Variants in TSHZ2 observed in about 807,000 individuals in gnomAD.
The protein encoded by TSHZ2 is teashirt homolog 2.
In TSHZ2, 21 loss-of-function variants were observed where a neutral mutation model predicts 74.4. That is an observed-to-expected ratio of 0.28 (90% CI 0.20 to 0.41). The LOEUF (loss-of-function observed/expected upper bound fraction) is 0.41, where lower values mean the gene tolerates loss of function less well. TSHZ2 is among the 10% of genes least tolerant of loss of function. The pLI, the probability that TSHZ2 is intolerant of heterozygous loss-of-function variation, is 1.00. For missense variants in TSHZ2, 1,244 were observed against 1,293.5 expected (o/e 0.96, Z 0.59); for synonymous variants, 540 against 515.3 (o/e 1.05, Z -0.65).
Position 53,084,514 on chromosome 20 carries a change from C to T in TSHZ2, c.40+111181C>T, listed in dbSNP as rs550976869. 2.6e-5 allele frequency among the ~76,000 whole-genome samples: 4 copies of T among 152,250 alleles called. No homozygotes were observed. The South Asian group carries it at 8.3e-4, about 32-fold the overall frequency. The stretch of plus-strand genomic sequence containing the variant: ...TTCTATCAGTTTGGTTAGTGAGGAG[C>T]ATTCTGATTATAGGTGGGAATTTTT... On this transcript the variant is annotated intron_variant, in intron 1 of 2. Transcript: ENST00000371497.
chr20:53,221,904 A>G (rs962420596), intron 1 of TSHZ2, among the ~76,000 whole-genome samples: 5 of 152,174 alleles, frequency 3.3e-5, no homozygotes, highest in African/African-American at 1.2e-4. Context: ...AGTTCATTCA[A>G]ATTACTCACA....
intron 1 of TSHZ2, among the ~76,000 whole-genome samples, chr20:53,212,916 G>A (rs891738558): frequency 5.3e-5 from 8 of 152,152 alleles, no homozygotes; most frequent in Non-Finnish European, 7.3e-5. Context: ...TGGGGCTTGC[G>A]TGGCATGCTC....
At position 53,073,034 on chromosome 20, in the gene TSHZ2, C is replaced by T. The variant is rs574055903; in HGVS notation, c.40+99701C>T. ...CCATCCCTCCCTCCATCCATCCCTT[C>T]CTCCATCCATTCCTCCTTAATCCAT... On this transcript the variant is annotated intron_variant, in intron 1 of 2. Transcript: ENST00000371497. 5.4e-5 allele frequency among the ~76,000 whole-genome samples: 8 copies of T among 148,390 alleles called. No homozygotes were observed. In the South Asian group the frequency reaches 8.8e-4, roughly 16 times the overall value.
chr20:53,482,864 C>CCA (rs1205536757), intron 2 of TSHZ2, among the ~76,000 whole-genome samples: 1 of 151,914 alleles, frequency 6.6e-6, no homozygotes, highest in Non-Finnish European at 1.5e-5. Flanking sequence ...CAAGATCAAG[C>CCA]CACTATACTC....
intron 2 of TSHZ2, among the ~76,000 whole-genome samples, chr20:53,349,182 G>A (rs766522912): frequency 5.3e-5 from 8 of 152,196 alleles, no homozygotes; most frequent in Non-Finnish European, 1.2e-4. Flanking sequence ...GGGAAAGTGT[G>A]CCTCAGTTTC....
intron 1 of TSHZ2, among the ~76,000 whole-genome samples, chr20:53,096,349 G>T (rs185205375): frequency 6.6e-6 from 1 of 152,030 alleles, no homozygotes; most frequent in Admixed American, 6.5e-5. Flanking sequence ...CACCATGTCG[G>T]CCAAGCTGGT....
At chr20:53,031,289 T>G (rs1983627573) in intron 1 of TSHZ2, among the ~76,000 whole-genome samples, 1 of 152,212 alleles carries the variant, frequency 6.6e-6, no homozygotes, top group Non-Finnish European at 1.5e-5. Flanking sequence ...TCCTCTCTGA[T>G]GTAAATCAAA....
Position 53,055,998 on chromosome 20 carries a change from T to G in TSHZ2, c.40+82665T>G, listed in dbSNP as rs544322671. The stretch of plus-strand genomic sequence containing the variant: ...GTTTGCCAACCTAAGACTTTTCCAT[T>G]GCTATTTTATTTTCTTCACAGTAAT... On this transcript the variant is annotated intron_variant, in intron 1 of 2. Transcript: ENST00000371497. Among the ~76,000 whole-genome samples, 42 of 152,346 alleles carry G rather than the reference T, an allele frequency of 2.8e-4. No homozygotes were observed. The South Asian group carries it at 8.7e-3, about 32-fold the overall frequency.
intron 1 of TSHZ2, among the ~76,000 whole-genome samples, chr20:53,072,087 G>A (rs111253911): frequency 2.0e-5 from 3 of 152,190 alleles, no homozygotes; most frequent in African/African-American, 4.8e-5. Context: ...AATGTCAGTC[G>A]CGCGGAGGCT....
chr20:53,333,547 C>G (rs1979816848), intron 2 of TSHZ2, among the ~76,000 whole-genome samples: 1 of 152,108 alleles, frequency 6.6e-6, no homozygotes, highest in Admixed American at 6.5e-5. Context: ...GCTCCGCCTC[C>G]CGGGTTCACG....
intron 2 of TSHZ2, among the ~76,000 whole-genome samples, chr20:53,325,742 G>A (rs538961602): frequency 6.6e-6 from 1 of 152,060 alleles, no homozygotes; most frequent in East Asian, 1.9e-4. Flanking sequence ...AGGAAGTAAA[G>A]CAAATTAAGG....
At chr20:53,280,982 C>T (rs898533160) in intron 2 of TSHZ2, among the ~76,000 whole-genome samples, 18 of 152,292 alleles carry the variant, frequency 1.2e-4, no homozygotes, top group Admixed American at 1.1e-3. Context: ...TGAGCCACCA[C>T]GCCCGGCCAG....
intron 2 of TSHZ2, among the ~76,000 whole-genome samples, chr20:53,345,995 C>CAAACCATTAA (rs1369253877): frequency 6.6e-6 from 1 of 152,130 alleles, no homozygotes; most frequent in Non-Finnish European, 1.5e-5. Context: ...ATGAGAAGAG[C>CAAACCATTAA]CAGCAAACAG....
intron 2 of TSHZ2, among the ~76,000 whole-genome samples, chr20:53,403,591 C>T (rs978073976): frequency 2.0e-5 from 3 of 152,214 alleles, no homozygotes; most frequent in African/African-American, 7.2e-5. Flanking sequence ...GATGGCTCTG[C>T]TGATGGAGGC....
chr20:53,146,546 A>G (rs1040372889), intron 1 of TSHZ2, among the ~76,000 whole-genome samples: 4 of 152,222 alleles, frequency 2.6e-5, no homozygotes, highest in Non-Finnish European at 5.9e-5. Context: ...TGAAACTGGT[A>G]TATCTTGATG....
intron 2 of TSHZ2, among the ~76,000 whole-genome samples, chr20:53,403,409 G>T (rs907065148): frequency 1.3e-5 from 2 of 152,114 alleles, no homozygotes; most frequent in South Asian, 2.1e-4. Context: ...CTCTTCTGCG[G>T]GTTCCCCAAG....
In TSHZ2 at chr20:53,493,415, T is replaced by C. The variant is rs1986499055; in HGVS notation, c.*6280T>C. The C allele has an allele frequency of 2.6e-5, 4 of 152,386 alleles. 1 individual carries two copies. Among genetic ancestry groups the C allele is most frequent in the African/African-American group, 7.2e-5 (3 of 41,598 alleles). 9.4% of individuals were successfully genotyped at this position (152,386 alleles called of 1,614,324 possible). A position where few individuals can be genotyped will look rare whatever the true frequency, so the allele number is the denominator to read the frequency against. ...GCATGCTTTACCCCCATGGGAAAAC[T>C]GCACACTCATCCATGTAGAATTATT... On this transcript the variant is annotated 3_prime_UTR_variant, in exon 3 of 3. Coordinates refer to ENST00000371497, the MANE Select transcript of TSHZ2 (RefSeq NM_173485.6).
intron 2 of TSHZ2, among the ~76,000 whole-genome samples, chr20:53,273,671 G>T (rs1398243301): frequency 6.6e-6 from 1 of 152,198 alleles, no homozygotes; most frequent in Non-Finnish European, 1.5e-5. Flanking sequence ...AGGCCAGCAA[G>T]GAGGCTGTTG....
In TSHZ2 at chr20:53,099,783, C is replaced by T. The variant is rs537303439; in HGVS notation, c.40+126450C>T. Among the ~76,000 whole-genome samples the T allele has an allele frequency of 2.6e-5, 4 of 152,238 alleles. No individual in the cohort carries two copies. In the Middle Eastern group the frequency reaches 0.01, roughly 388 times the overall value. On this transcript the variant is annotated intron_variant, in intron 1 of 2. Transcript: ENST00000371497. ...CGACAAGAGTATGGGGGAAACTGCC[C>T]CCATGATTCAATTGTCTCTGACAAA...
Sources: gnomAD v4.1 joint callset for allele counts (sites outside exome capture counted in the v4.1 genomes callset) on GRCh38, gnomAD v4.1.1 for gene constraint, MANE v1.5 for transcripts, NCBI Gene and HGNC (gene_info 2026-07-23, HGNC 2026-07-21) for gene names.